ITPR2: variants seen among roughly 807,000 people sequenced by gnomAD.
ITPR2 encodes the protein inositol 1,4,5-trisphosphate-gated calcium channel ITPR2.
In ITPR2, 207 loss-of-function variants were observed where a neutral mutation model predicts 317.1. The observed-to-expected ratio is 0.65, with a 90% CI of 0.58 to 0.73. ITPR2 has a LOEUF of 0.73. ITPR2 is among the 30% of genes least tolerant of loss of function. The pLI is 0.00. For missense variants in ITPR2, 2,613 were observed against 3,284.0 expected (o/e 0.80, Z 4.99); for synonymous variants, 1,156 against 1,149.1 (o/e 1.01, Z -0.12).
At chr12:26,669,503 G>A (rs1947700112) in intron 13 of ITPR2, among the ~76,000 whole-genome samples, 1 of 152,202 alleles carries the variant, frequency 6.6e-6, no homozygotes, top group Non-Finnish European at 1.5e-5. Context: ...AACACATCAT[G>A]GTGAAACTTA....
At chr12:26,687,491 G>C (rs1479461612) in intron 10 of ITPR2, among the ~76,000 whole-genome samples, 1 of 152,134 alleles carries the variant, frequency 6.6e-6, no homozygotes. Context: ...ACTGAGGGAA[G>C]GAAGGGATGC....
chr12:26,715,433 TAAC>T lies in ITPR2; in HGVS notation c.718_720del (p.Val240del). ...TTCTCTTGTTCCGCATGAAATAATC[TAAC>T]AACGTCCCCCTAGCAAAAAGGTCAA... On this transcript the variant is annotated inframe_deletion, in exon 8 of 57. Coordinates refer to ENST00000381340, the MANE Select transcript of ITPR2 (RefSeq NM_002223.4). 6.2e-7 allele frequency: 1 copy of T among 1,612,996 alleles called. No individual in the cohort carries two copies. Among genetic ancestry groups the T allele is most frequent in the Non-Finnish European group, 8.5e-7 (1 of 1,179,406 alleles).
intron 55 of ITPR2, among the ~76,000 whole-genome samples, chr12:26,367,010 G>C (rs1939033212): frequency 6.6e-6 from 1 of 152,054 alleles, no homozygotes; most frequent in Non-Finnish European, 1.5e-5. Flanking sequence ...AAATTCTCAA[G>C]AATACTTTAT....
intron 34 of ITPR2, among the ~76,000 whole-genome samples, chr12:26,576,590 A>C (rs1227960485): frequency 1.3e-5 from 2 of 152,170 alleles, no homozygotes; most frequent in Non-Finnish European, 2.9e-5. Context: ...AAGGGAGTGG[A>C]AGGTCTATGT....
intron 37 of ITPR2, among the ~76,000 whole-genome samples, chr12:26,513,375 T>C (rs902385804): frequency 2.6e-5 from 4 of 152,184 alleles, no homozygotes; most frequent in Admixed American, 2.0e-4. Flanking sequence ...ATTAATATTC[T>C]TTTTATTCTG....
intron 55 of ITPR2, among the ~76,000 whole-genome samples, chr12:26,354,726 T>C (rs1938578490): frequency 6.6e-6 from 1 of 152,096 alleles, no homozygotes; most frequent in African/African-American, 2.4e-5. Context: ...TGGAGTGCAA[T>C]GGTGGGGTCT....
rs1942664661 is a variant in ITPR2 at position 26,486,345 on chromosome 12, A to G, written c.5570T>C (p.Leu1857Pro). The G allele has an allele frequency of 1.2e-6, 2 of 1,611,180 alleles. No individual in the cohort carries two copies. The highest frequency in any genetic ancestry group is 1.7e-6 in the Non-Finnish European group (2 of 1,177,906). The part of the protein sequence containing the change: ...GPRMRVRDST[L>P]HLKEGMKGQL... ...CCCTTTCATTCCCTCTTTTAAATGT[A>G]GTGTTGAATCTCTTACTGAAAACAA... The change falls in exon 41 of 57, where the codon CTA becomes CCA. Residue 1857 changes from leucine (L) to proline (P), a missense_variant. Leu to Pro is a moderately conservative substitution (Grantham distance 98). Coordinates refer to ENST00000381340, the MANE Select transcript of ITPR2 (RefSeq NM_002223.4).
intron 48 of ITPR2, 68 bp from the exon 49 acceptor site, chr12:26,428,156 T>G: frequency 8.0e-7 from 1 of 1,249,098 alleles, no homozygotes; most frequent in Admixed American, 2.4e-5. Context: ...TATTTGCTGC[T>G]CTACTTTATA....
chr12:26,539,576 G>A (rs1156871770), intron 37 of ITPR2, among the ~76,000 whole-genome samples: 1 of 152,202 alleles, frequency 6.6e-6, no homozygotes, highest in African/African-American at 2.4e-5. Context: ...CCCACTGGCT[G>A]GCCTTCAGAT....
chr12:26,570,802 G>A (rs923975108), intron 34 of ITPR2, among the ~76,000 whole-genome samples: 4 of 151,980 alleles, frequency 2.6e-5, no homozygotes, highest in African/African-American at 4.8e-5. Context: ...TCAAATAAAC[G>A]AATCAACTGA....
chr12:26,502,866 T>C (rs1397193101), intron 37 of ITPR2, among the ~76,000 whole-genome samples: 1 of 152,192 alleles, frequency 6.6e-6, no homozygotes, highest in Non-Finnish European at 1.5e-5. Flanking sequence ...TGTTTTAAAG[T>C]TCTATCCCCA....
chr12:26,621,337 T>C, intron 25 of ITPR2, 41 bp from the exon 26 acceptor site: 1 of 1,458,288 alleles, frequency 6.9e-7, no homozygotes, highest in Non-Finnish European at 9.5e-7. Flanking sequence ...AGTTCACTAT[T>C]TCTAGAATAT....
At chr12:26,371,942 C>A (rs1001732308) in intron 55 of ITPR2, among the ~76,000 whole-genome samples, 2 of 152,184 alleles carry the variant, frequency 1.3e-5, no homozygotes, top group Non-Finnish European at 2.9e-5. Context: ...AATTCCTCTA[C>A]ATAAAAGTCA....
At chr12:26,476,249 A>T (rs1942414007) in intron 44 of ITPR2, among the ~76,000 whole-genome samples, 1 of 152,246 alleles carries the variant, frequency 6.6e-6, no homozygotes, top group Admixed American at 6.5e-5. Flanking sequence ...TAGCACCAAC[A>T]ATGGCCCTGA....
intron 10 of ITPR2, among the ~76,000 whole-genome samples, chr12:26,691,271 T>A (rs114793074): frequency 1.3e-5 from 2 of 152,172 alleles, no homozygotes; most frequent in Non-Finnish European, 2.9e-5. Context: ...GACAATTCAG[T>A]TTAAAATTGT....
intron 1 of ITPR2, among the ~76,000 whole-genome samples, chr12:26,819,443 A>G (rs1950906162): frequency 6.6e-6 from 1 of 152,214 alleles, no homozygotes; most frequent in African/African-American, 2.4e-5. Context: ...CATTTTCCAA[A>G]CACTTATTCT....
At chr12:26,542,423 GTC>G (rs748318802) in intron 37 of ITPR2, among the ~76,000 whole-genome samples, 201 of 152,104 alleles carry the variant, frequency 1.3e-3, no homozygotes, top group Non-Finnish European at 2.3e-3. Context: ...GGAATCCCAG[GTC>G]TCTTTCTCCT....
intron 45 of ITPR2, among the ~76,000 whole-genome samples, chr12:26,459,010 T>C (rs1941953475): frequency 1.3e-5 from 2 of 152,244 alleles, no homozygotes; most frequent in Non-Finnish European, 2.9e-5. Context: ...GCTAAATTCC[T>C]AGTCTGGTAG....
rs146077916 is a variant in ITPR2, at chr12:26,646,213, T to C, written c.2740+7763A>G. Among the ~76,000 whole-genome samples the C allele has an allele frequency of 2.0e-5, 3 of 152,218 alleles. No homozygotes were observed. The East Asian group carries it at 5.8e-4, about 29-fold the overall frequency. ...ATAATCAGTTTTGAACTAAAAGAGA[T>C]TGCAAAGATCATATTTAGACTAACC... On this transcript the variant is annotated intron_variant, in intron 21 of 56. Transcript: ENST00000381340.
Sources: gnomAD v4.1 joint callset for allele counts (sites outside exome capture counted in the v4.1 genomes callset) on GRCh38, gnomAD v4.1.1 for gene constraint, MANE v1.5 for transcripts, NCBI Gene and HGNC (gene_info 2026-07-23, HGNC 2026-07-21) for gene names.